The following NKAIN2 variants were observed in gnomAD, a reference collection of about 807,000 sequenced individuals.
The protein encoded by NKAIN2 is sodium/potassium-transporting ATPase subunit beta-1-interacting protein 2.
A neutral mutation model predicts 32.6 loss-of-function variants in NKAIN2; 14 were observed. That is an observed-to-expected ratio of 0.43 (90% CI 0.28 to 0.67). The LOEUF (loss-of-function observed/expected upper bound fraction) is 0.67, where lower values mean the gene tolerates loss of function less well. Among genes scored for constraint, NKAIN2 ranks in the 30% least tolerant of loss-of-function variants. The probability of loss-of-function intolerance (pLI) is 0.17; values close to 1 mark genes in which losing one functional copy is unlikely to be tolerated. For synonymous variants in NKAIN2, 80 were observed against 87.2 expected (o/e 0.92, Z 0.46); for missense variants, 198 against 258.3 (o/e 0.77, Z 1.60).
intron 1 of NKAIN2, among the ~76,000 whole-genome samples, chr6:123,988,153 G>GA (rs1317807858): frequency 6.6e-6 from 1 of 151,938 alleles, no homozygotes; most frequent in African/African-American, 2.4e-5. Context: ...AGGAAATATA[G>GA]AAAAAAAGTA....
At chr6:124,067,248 A>G (rs1460475595) in intron 1 of NKAIN2, among the ~76,000 whole-genome samples, 1 of 152,132 alleles carries the variant, frequency 6.6e-6, no homozygotes, top group Non-Finnish European at 1.5e-5. Flanking sequence ...TTATGTTTGA[A>G]TCACATATCT....
At chr6:124,411,897 T>A (rs961476658) in intron 3 of NKAIN2, among the ~76,000 whole-genome samples, 1 of 152,182 alleles carries the variant, frequency 6.6e-6, no homozygotes, top group Non-Finnish European at 1.5e-5. Flanking sequence ...ATTCTTTTTC[T>A]CTAAACTTCT....
chr6:124,257,597 A>G (rs1158313703), intron 1 of NKAIN2, among the ~76,000 whole-genome samples: 2 of 152,158 alleles, frequency 1.3e-5, no homozygotes, highest in Non-Finnish European at 2.9e-5. Context: ...TGCAATTTAC[A>G]TAAGACCTAA....
chr6:123,861,830 A>G (rs1314161086), intron 1 of NKAIN2, among the ~76,000 whole-genome samples: 1 of 152,060 alleles, frequency 6.6e-6, no homozygotes, highest in Admixed American at 6.5e-5. Context: ...CTCTGGTTTA[A>G]TTTTCCTTTA....
intron 1 of NKAIN2, among the ~76,000 whole-genome samples, chr6:123,813,519 A>G (rs1399109188): frequency 3.9e-5 from 6 of 152,130 alleles, no homozygotes; most frequent in Non-Finnish European, 7.4e-5. Context: ...TTTAGAAACT[A>G]TTGTAGATTT....
At chr6:123,885,833 TA>T (rs1773685685) in intron 1 of NKAIN2, among the ~76,000 whole-genome samples, 1 of 151,636 alleles carries the variant, frequency 6.6e-6, no homozygotes, top group Non-Finnish European at 1.5e-5. Context: ...AAATACAATT[TA>T]AAAAATGGTA....
intron 3 of NKAIN2, among the ~76,000 whole-genome samples, chr6:124,536,897 C>T (rs931359325): frequency 8.5e-5 from 13 of 152,178 alleles, no homozygotes; most frequent in East Asian, 1.9e-4. Flanking sequence ...AAAGTCCACA[C>T]GACACAGCCA....
chr6:124,350,435 A>G (rs1422779661), intron 2 of NKAIN2, among the ~76,000 whole-genome samples: 1 of 152,202 alleles, frequency 6.6e-6, no homozygotes, highest in African/African-American at 2.4e-5. Flanking sequence ...GAAAAGAATA[A>G]AAAAAGAAAA....
chr6:124,717,228 T>A (rs2114621875), intron 4 of NKAIN2, among the ~76,000 whole-genome samples: 1 of 152,368 alleles, frequency 6.6e-6, no homozygotes, highest in Admixed American at 6.5e-5. Flanking sequence ...AAAATTATTC[T>A]ATAAATTGTA....
intron 1 of NKAIN2, among the ~76,000 whole-genome samples, chr6:123,984,589 A>G (rs896417561): frequency 1.3e-5 from 2 of 152,190 alleles, no homozygotes; most frequent in African/African-American, 4.8e-5. Flanking sequence ...TGCCTCCTAC[A>G]TATGAAAATT....
chr6:124,705,034 A>C (rs1350198211), intron 4 of NKAIN2, among the ~76,000 whole-genome samples: 1 of 152,090 alleles, frequency 6.6e-6, no homozygotes, highest in African/African-American at 2.4e-5. Context: ...AGTTTCTGCT[A>C]AAAGATAGAT....
chr6:123,874,931 G>A (rs2114301150), intron 1 of NKAIN2, among the ~76,000 whole-genome samples: 1 of 152,014 alleles, frequency 6.6e-6, no homozygotes. Flanking sequence ...GTGTGTGTGT[G>A]TACATACACC....
intron 1 of NKAIN2, among the ~76,000 whole-genome samples, chr6:124,057,331 C>A (rs969873425): frequency 6.6e-6 from 1 of 151,998 alleles, no homozygotes; most frequent in East Asian, 1.9e-4. Context: ...TTTAATGCCA[C>A]CCTAACATTT....
rs141054716 is a variant in NKAIN2 at position 124,450,061 on chromosome 6, A to G, written c.273+94714A>G. Among the ~76,000 whole-genome samples the G allele has an allele frequency of 2.5e-3, 388 of 152,232 alleles. 4 individuals carry two copies. Among genetic ancestry groups the G allele is most frequent in the African/African-American group, 8.5e-3 (355 of 41,574 alleles). Reference sequence around the variant, plus strand: ...CTTTAGCTTGCAAAGCTAAATATAAATTTCCTTATAACTGAAGAGAAAATA... The same window carrying G: ...CTTTAGCTTGCAAAGCTAAATATAAGTTTCCTTATAACTGAAGAGAAAATA... On this transcript the variant is annotated intron_variant, in intron 3 of 6. Transcript: ENST00000368417.
intron 4 of NKAIN2, among the ~76,000 whole-genome samples, chr6:124,684,445 A>AGAT (rs1032589107): frequency 6.6e-6 from 1 of 152,192 alleles, no homozygotes; most frequent in African/African-American, 2.4e-5. Flanking sequence ...CAACTTCTCC[A>AGAT]GATAATTCTG....
chr6:124,291,715 C>G (rs546308889), intron 2 of NKAIN2, among the ~76,000 whole-genome samples: 9 of 152,100 alleles, frequency 5.9e-5, no homozygotes, highest in Admixed American at 3.9e-4. Flanking sequence ...CTGCATAATA[C>G]GACAACCTTT....
intron 1 of NKAIN2, among the ~76,000 whole-genome samples, chr6:124,174,747 T>A (rs1432678597): frequency 6.6e-6 from 1 of 152,124 alleles, no homozygotes; most frequent in Non-Finnish European, 1.5e-5. Context: ...AATGTAGTCA[T>A]ATGACCAAAC....
At chr6:124,069,939 A>G (rs770409231) in intron 1 of NKAIN2, among the ~76,000 whole-genome samples, 2 of 152,162 alleles carry the variant, frequency 1.3e-5, no homozygotes, top group Non-Finnish European at 2.9e-5. Flanking sequence ...GTGACGTTTT[A>G]TACTTACACT....
intron 1 of NKAIN2, among the ~76,000 whole-genome samples, chr6:123,912,128 T>A (rs1421711244): frequency 6.6e-6 from 1 of 151,888 alleles, no homozygotes; most frequent in African/African-American, 2.4e-5. Context: ...TACCTTCAAT[T>A]ATAATAATTA....
Sources: allele counts gnomAD v4.1 joint callset (sites outside exome capture counted in the v4.1 genomes callset), GRCh38; gene constraint gnomAD v4.1.1; transcripts MANE v1.5; gene names NCBI Gene and HGNC (gene_info 2026-07-23, HGNC 2026-07-21).